Variants in RMND5A observed in about 807,000 individuals in gnomAD.
RMND5A encodes the protein E3 ubiquitin-protein transferase RMND5A.
A neutral mutation model predicts 49.7 loss-of-function variants in RMND5A; 17 were observed. The observed-to-expected ratio is 0.34, with a 90% CI of 0.23 to 0.51. The LOEUF is 0.51. Ranked by LOEUF, RMND5A falls within the 20% of genes least tolerant of loss-of-function variation. The pLI, the probability that RMND5A is intolerant of heterozygous loss-of-function variation, is 0.96. For missense variants in RMND5A, 255 were observed against 471.3 expected (o/e 0.54, Z 4.25); for synonymous variants, 156 against 167.7 (o/e 0.93, Z 0.54).
intron 4 of RMND5A, among the ~76,000 whole-genome samples, chr2:86,759,234 T>C (rs1458607477): frequency 6.6e-6 from 1 of 152,224 alleles, no homozygotes; most frequent in Non-Finnish European, 1.5e-5. Flanking sequence ...ATTTTTGGAA[T>C]GATGTAGAAA....
At chr2:86,763,951 C>T (rs1318276553) in intron 4 of RMND5A, among the ~76,000 whole-genome samples, 3 of 152,114 alleles carry the variant, frequency 2.0e-5, no homozygotes, top group Non-Finnish European at 4.4e-5. Flanking sequence ...TCAAAGAAGC[C>T]TCATGATTTG....
intron 4 of RMND5A, among the ~76,000 whole-genome samples, chr2:86,761,200 A>G (rs1672482361): frequency 6.6e-6 from 1 of 152,298 alleles, no homozygotes; most frequent in African/African-American, 2.4e-5. Context: ...TTGTACTCAG[A>G]TGTCAAGGAT....
intron 8 of RMND5A, 106 bp downstream of exon 8, chr2:86,771,818 CTAAA>C (rs35588548): frequency 0.021 from 19,970 of 944,040 alleles, 759 homozygotes; most frequent in Admixed American, 0.11. Flanking sequence ...AGATTTAGAA[CTAAA>C]TAAATTTCTT....
intron 3 of RMND5A, among the ~76,000 whole-genome samples, chr2:86,752,673 G>A (rs1364982039): frequency 2.0e-5 from 3 of 152,140 alleles, no homozygotes; most frequent in Non-Finnish European, 4.4e-5. Context: ...AGTTGCCCGA[G>A]GCCTTAACAG....
At chr2:86,742,850 A>G (rs1438288017) in intron 2 of RMND5A, among the ~76,000 whole-genome samples, 3 of 151,062 alleles carry the variant, frequency 2.0e-5, no homozygotes, top group Non-Finnish European at 4.4e-5. Flanking sequence ...CAGTGAGAAG[A>G]GCTAAAGCTT....
intron 4 of RMND5A, among the ~76,000 whole-genome samples, chr2:86,761,164 TGTGA>T (rs1328618167): frequency 2.0e-5 from 3 of 152,174 alleles, no homozygotes; most frequent in Admixed American, 2.0e-4. Flanking sequence ...AAGCTGCTAT[TGTGA>T]GTAAGGATGC....
chr2:86,753,552 C>T lies in RMND5A; in HGVS notation c.515C>T (p.Ala172Val). 1.3e-6 allele frequency: 2 copies of T among 1,557,686 alleles called. No individual in the cohort carries two copies. Among genetic ancestry groups the T allele is most frequent in the Non-Finnish European group, 8.8e-7 (1 of 1,133,496 alleles). ...TTAAAGGTCAGAGTTCTGAGACCTG[C>T]TCTGGAGTGAGTATTGAGTTTGCTT... is the stretch of plus-strand genomic sequence containing the variant. Reference protein sequence around the residue: ...EALKVRVLRPALEWAVSNREM... With the variant: ...EALKVRVLRPVLEWAVSNREM... The change falls in exon 4 of 9, where the codon GCT (alanine) becomes GTT (valine). Residue 172 changes from alanine (A) to valine (V), a missense_variant. Ala to Val is a moderately conservative substitution (Grantham distance 64). This residue lies in a region of RMND5A where 208 missense variants were observed against 339.8 expected (regional missense o/e 0.61). Transcript: ENST00000283632.
chr2:86,720,609 C>G lies in RMND5A; in HGVS notation c.-59C>G. On this transcript the variant is annotated 5_prime_UTR_variant, in exon 1 of 9. Coordinates refer to ENST00000283632, the MANE Select transcript of RMND5A (RefSeq NM_022780.4). ...GAGCAGGACGCGGCCTCGGTGGGGC[C>G]CGGGCCGAACGGCTGCGGACACCTG... 1.4e-6 allele frequency: 2 copies of G among 1,462,302 alleles called. No homozygotes were observed. The highest frequency in any genetic ancestry group is 1.8e-6 in the Non-Finnish European group (2 of 1,105,928). 90.6% of individuals were successfully genotyped at this position (1,462,302 alleles called of 1,614,324 possible).
At chr2:86,748,331 A>G (rs1367755178) in intron 2 of RMND5A, 1 of 152,228 alleles carries the variant, frequency 6.6e-6, no homozygotes, top group East Asian at 1.9e-4. Context: ...AAAATAAGCT[A>G]TGGAAGTTTA....
chr2:86,741,072 ATGG>A lies in RMND5A; in HGVS notation c.285+5_285+7del. On this transcript the variant is annotated splice_donor_5th_base_variant and intron_variant, in intron 2 of 8. Coordinates refer to ENST00000283632, the MANE Select transcript of RMND5A (RefSeq NM_022780.4). ...GGGTTGGAAAAGCCATTGATAAGGTATGGTATTGAAAGAAGTGTTTTGTATTTT... is the reference window on the plus strand; with the variant it reads ...GGGTTGGAAAAGCCATTGATAAGGTATATTGAAAGAAGTGTTTTGTATTTT... 1 of 1,612,722 alleles carries A rather than the reference ATGG, an allele frequency of 6.2e-7. No individual in the cohort carries two copies. Among genetic ancestry groups the A allele is most frequent in the Non-Finnish European group, 8.5e-7 (1 of 1,178,974 alleles).
chr2:86,744,098 G>C (rs1681496493), intron 2 of RMND5A, among the ~76,000 whole-genome samples: 1 of 152,026 alleles, frequency 6.6e-6, no homozygotes, highest in Admixed American at 6.6e-5. Flanking sequence ...CAGTTCCCTA[G>C]TATCTTTCAG....
At position 86,771,136 on chromosome 2, in the gene RMND5A, G is replaced by A. The variant is rs535226863; in HGVS notation, c.958-422G>A. ...CAAGTAGCACTCCTGCTCTACTGCC[G>A]CTAACTTGAACAAGTGAAAAGAACT... On this transcript the variant is annotated intron_variant, in intron 7 of 8. Coordinates refer to ENST00000283632, the MANE Select transcript of RMND5A (RefSeq NM_022780.4). 2.4e-4 allele frequency among the ~76,000 whole-genome samples: 37 copies of A among 152,276 alleles called. No homozygotes were observed. In the South Asian group the frequency reaches 7.3e-3, roughly 30 times the overall value.
chr2:86,754,601 CTG>C (rs1386568957), intron 4 of RMND5A, among the ~76,000 whole-genome samples: 1 of 152,196 alleles, frequency 6.6e-6, no homozygotes, highest in Non-Finnish European at 1.5e-5. Context: ...CAGGGTCTCA[CTG>C]TCACCCAGGC....
chr2:86,755,078 C>G (rs951191944), intron 4 of RMND5A, among the ~76,000 whole-genome samples: 1 of 151,804 alleles, frequency 6.6e-6, no homozygotes, highest in Admixed American at 6.6e-5. Context: ...CCAAATACCT[C>G]TAACACCTCT....
chr2:86,774,410 C>G lies in RMND5A; in HGVS notation c.*999C>G, dbSNP rs1573449311. 3.3e-5 allele frequency: 5 copies of G among 152,756 alleles called. No homozygotes were observed. Among genetic ancestry groups the G allele is most frequent in the South Asian group, 4.1e-4 (2 of 4,828 alleles). The allele number at this position is 152,756 out of a possible 1,614,324, so 9.5% of individuals were successfully genotyped here. On this transcript the variant is annotated 3_prime_UTR_variant, in exon 9 of 9. Coordinates refer to ENST00000283632, the MANE Select transcript of RMND5A (RefSeq NM_022780.4). ...TTAAAGTTAGAAGCTAGCAAATTTT[C>G]TGTAGTGCAGAACGTTTATTGCTGT...
chr2:86,770,720 T>C (rs903669679), intron 7 of RMND5A, among the ~76,000 whole-genome samples: 1 of 152,184 alleles, frequency 6.6e-6, no homozygotes, highest in African/African-American at 2.4e-5. Flanking sequence ...CAGCTTTCTC[T>C]TTATGGGGCT....
At chr2:86,758,053 C>T (rs1681775146) in intron 4 of RMND5A, among the ~76,000 whole-genome samples, 1 of 152,232 alleles carries the variant, frequency 6.6e-6, no homozygotes, top group Non-Finnish European at 1.5e-5. Flanking sequence ...GTTCAGACTT[C>T]ATTCACTGAC....
At chr2:86,743,354 C>T (rs950223091) in intron 2 of RMND5A, among the ~76,000 whole-genome samples, 3 of 148,032 alleles carry the variant, frequency 2.0e-5, no homozygotes, top group African/African-American at 5.0e-5. Flanking sequence ...ACTCATTGCT[C>T]TTTTGAGGAC....
intron 4 of RMND5A, among the ~76,000 whole-genome samples, 163 bp downstream of exon 4, chr2:86,753,721 T>TG (rs1325460555): frequency 6.6e-6 from 1 of 152,200 alleles, no homozygotes; most frequent in Non-Finnish European, 1.5e-5. Context: ...AAGTGAAATA[T>TG]GGGGGGTGTG....
Sources: gnomAD v4.1 joint callset for allele counts (sites outside exome capture counted in the v4.1 genomes callset) on GRCh38, gnomAD v4.1.1 for gene constraint, gnomAD v4.1.1 regional missense constraint, MANE v1.5 for transcripts, NCBI Gene and HGNC (gene_info 2026-07-23, HGNC 2026-07-21) for gene names.